LINGO1: variants seen among roughly 807,000 people sequenced by gnomAD.
LINGO1 encodes the protein leucine-rich repeat and immunoglobulin-like domain-containing nogo receptor-interacting protein 1.
A neutral mutation model predicts 37.3 loss-of-function variants in LINGO1; 11 were observed. That is an observed-to-expected ratio of 0.29 (90% CI 0.19 to 0.49). The LOEUF (loss-of-function observed/expected upper bound fraction) is 0.49, where lower values mean the gene tolerates loss of function less well. Among genes scored for constraint, LINGO1 ranks in the 20% least tolerant of loss-of-function variants. The pLI is 0.99. For synonymous variants in LINGO1, 387 were observed against 403.0 expected (o/e 0.96, Z 0.48); for missense variants, 585 against 878.2 (o/e 0.67, Z 4.22).
chr15:77,644,721 AAC>A (rs1327371634), intron 3 of LINGO1, among the ~76,000 whole-genome samples: 1 of 152,190 alleles, frequency 6.6e-6, no homozygotes, highest in Non-Finnish European at 1.5e-5. Flanking sequence ...CCCTCCAGCA[AAC>A]ACAGAAGTGG....
chr15:77,755,695 C>T (rs2141373559), intron 1 of LINGO1, among the ~76,000 whole-genome samples: 1 of 152,286 alleles, frequency 6.6e-6, no homozygotes, highest in East Asian at 1.9e-4. Flanking sequence ...CCCCCACCTG[C>T]ATTTCAGATA....
intron 1 of LINGO1, among the ~76,000 whole-genome samples, chr15:77,801,786 G>A (rs1361106260): frequency 2.6e-5 from 4 of 152,134 alleles, no homozygotes; most frequent in Non-Finnish European, 4.4e-5. Context: ...GCTGGAGACT[G>A]TGGAACCCAT....
upstream of LINGO1, among the ~76,000 whole-genome samples, chr15:77,701,235 A>G (rs567809371): frequency 4.6e-5 from 7 of 152,110 alleles, no homozygotes; most frequent in African/African-American, 1.7e-4. Flanking sequence ...AACATAACCA[A>G]CAGGCCTGGG....
At chr15:77,746,075 G>A (rs1209252288) in intron 1 of LINGO1, among the ~76,000 whole-genome samples, 1 of 151,970 alleles carries the variant, frequency 6.6e-6, no homozygotes, top group Non-Finnish European at 1.5e-5. Flanking sequence ...GGGCATGGTG[G>A]CATGCACCTG....
rs67399483 is a variant in LINGO1, at chr15:77,748,909, C to CTTT, written c.-256-13859_-256-13857dup. ...TTATTTATTTTCCTTCCTTCCTTCT[C>CTTT]TTTTTTTTTTTTTTTTTTTTTGGAG... On this transcript the variant is annotated intron_variant, in intron 1 of 3. Coordinates refer to the LINGO1 transcript ENST00000561686. Among the ~76,000 whole-genome samples, 19 of 87,762 alleles carry CTTT rather than the reference C, an allele frequency of 2.2e-4. 2 individuals are homozygous for CTTT. In the South Asian group the frequency reaches 3.5e-3, roughly 16 times the overall value. 57.6% of individuals were successfully genotyped at this position (87,762 alleles called of 152,430 possible). A position where few individuals can be genotyped will look rare whatever the true frequency, so the allele number is the denominator to read the frequency against.
At chr15:77,745,928 A>G (rs1253022229) in intron 1 of LINGO1, among the ~76,000 whole-genome samples, 1 of 152,126 alleles carries the variant, frequency 6.6e-6, no homozygotes, top group African/African-American at 2.4e-5. Flanking sequence ...CTGAAAGAAC[A>G]AGAAATTATA....
At chr15:77,778,032 A>G (rs556802152) in intron 1 of LINGO1, among the ~76,000 whole-genome samples, 83 of 152,310 alleles carry the variant, frequency 5.4e-4, no homozygotes, top group African/African-American at 2.0e-3. Context: ...TTCTTTCACA[A>G]TTCTAGAGGC....
intron 3 of LINGO1, among the ~76,000 whole-genome samples, chr15:77,658,943 A>G (rs2074927958): frequency 6.6e-6 from 1 of 152,230 alleles, no homozygotes; most frequent in South Asian, 2.1e-4. Flanking sequence ...ATCTAGTCAC[A>G]GGATTCAATT....
In LINGO1 at chr15:77,632,641, C is replaced by T. The variant is rs927239752; in HGVS notation, c.-326G>A. 4.6e-4 allele frequency among the ~76,000 whole-genome samples: 67 copies of T among 146,236 alleles called. No individual in the cohort carries two copies. Among genetic ancestry groups the T allele is most frequent in the Admixed American group, 1.3e-3 (19 of 14,748 alleles). ...GCCCCCTGGGCCGGCCCGGAGCCGC[C>T]GCCGCCGCCTCTGCCGCTGGGGCCG... On this transcript the variant is annotated 5_prime_UTR_variant, in exon 1 of 2. Coordinates refer to ENST00000355300, the MANE Select transcript of LINGO1 (RefSeq NM_032808.7). The surrounding 1 kb of genome is among the most constrained non-coding windows in gnomAD (Gnocchi z 6.0).
At chr15:77,815,352 C>T (rs960827955) in intron 1 of LINGO1, among the ~76,000 whole-genome samples, 6 of 151,938 alleles carry the variant, frequency 3.9e-5, no homozygotes, top group Non-Finnish European at 8.8e-5. Flanking sequence ...CTGCAGTGCC[C>T]ACTCCCAACT....
intron 1 of LINGO1, among the ~76,000 whole-genome samples, chr15:77,764,316 A>G (rs954252700): frequency 1.3e-5 from 2 of 152,250 alleles, no homozygotes; most frequent in East Asian, 1.9e-4. Flanking sequence ...AATAAAAAGC[A>G]TAAGCCATAA....
rs548969709 is a variant in LINGO1 at position 77,754,934 on chromosome 15, G to A, written c.-256-19881C>T. On this transcript the variant is annotated intron_variant, in intron 1 of 3. Transcript: ENST00000561686. ...GGCCTGGTGGTCTCCAGCTCCCAAC[G>A]CTGTTGTGAAGCTTGAGGCAGGCCA... Among the ~76,000 whole-genome samples the A allele has an allele frequency of 2.5e-3, 377 of 152,334 alleles. 4 individuals carry two copies. Among genetic ancestry groups the A allele is most frequent in the Non-Finnish European group, 4.1e-3 (279 of 68,034 alleles).
chr15:77,808,697 C>T (rs1567595343), intron 1 of LINGO1, among the ~76,000 whole-genome samples: 1 of 152,204 alleles, frequency 6.6e-6, no homozygotes, highest in Non-Finnish European at 1.5e-5. Context: ...GCGTGATCTC[C>T]ACCAAGTCCC....
intron 1 of LINGO1, among the ~76,000 whole-genome samples, chr15:77,780,178 A>G (rs1188695111): frequency 6.6e-6 from 1 of 152,202 alleles, no homozygotes; most frequent in East Asian, 1.9e-4. Context: ...TGTTCTTGAC[A>G]CAGGGGAGGG....
chr15:77,798,140 T>C (rs1184246501), intron 1 of LINGO1, among the ~76,000 whole-genome samples: 1 of 152,182 alleles, frequency 6.6e-6, no homozygotes, highest in Non-Finnish European at 1.5e-5. Context: ...CTCCCACTGG[T>C]TGTTGATCCT....
chr15:77,749,382 C>T (rs1178829435), intron 1 of LINGO1, among the ~76,000 whole-genome samples: 3 of 152,208 alleles, frequency 2.0e-5, no homozygotes, highest in Admixed American at 6.5e-5. Context: ...CAGCACCTCC[C>T]ACCAGCCCCA....
chr15:77,670,379 A>C (rs1469772877), intron 3 of LINGO1, among the ~76,000 whole-genome samples: 1 of 152,242 alleles, frequency 6.6e-6, no homozygotes, highest in Non-Finnish European at 1.5e-5. Flanking sequence ...TTAAAACCAA[A>C]TTGTTTAAAA....
upstream of LINGO1, among the ~76,000 whole-genome samples, chr15:77,699,770 A>ACCACC (rs1567532358): frequency 3.1e-5 from 4 of 127,216 alleles, no homozygotes; most frequent in Admixed American, 7.8e-5. Flanking sequence ...CATACTAACC[A>ACCACC]TCATTCCCCC....
At chr15:77,634,110 G>C (rs2074346051), upstream of LINGO1, among the ~76,000 whole-genome samples, 1 of 152,164 alleles carries the variant, frequency 6.6e-6, no homozygotes, top group Non-Finnish European at 1.5e-5. Flanking sequence ...TCGGATTCTG[G>C]GGCAGACGCT....
Sources: allele counts gnomAD v4.1 joint callset (sites outside exome capture counted in the v4.1 genomes callset), GRCh38; gene constraint gnomAD v4.1.1; non-coding constraint Gnocchi (gnomAD v3.1); transcripts MANE v1.5; gene names NCBI Gene and HGNC (gene_info 2026-07-23, HGNC 2026-07-21).